RORA: variants seen among roughly 807,000 people sequenced by gnomAD.
RORA encodes the protein nuclear receptor ROR-alpha.
Under a neutral mutation model 69.5 loss-of-function variants are expected in RORA, and 7 were observed. The ratio of observed to expected loss-of-function variants is 0.10; its 90% CI spans 0.06 to 0.19. The LOEUF (loss-of-function observed/expected upper bound fraction) is 0.19, where lower values mean the gene tolerates loss of function less well. Ranked by LOEUF, RORA falls within the 10% of genes least tolerant of loss-of-function variation. RORA has a pLI of 1.00. For synonymous variants in RORA, 261 were observed against 240.8 expected (o/e 1.08, Z -0.78); for missense variants, 457 against 663.0 (o/e 0.69, Z 3.41).
Position 60,657,024 on chromosome 15 carries a change from G to A in RORA, c.196+21633C>T, listed in dbSNP as rs74017253. Among the ~76,000 whole-genome samples, 766 of 152,268 alleles carry A rather than the reference G, an allele frequency of 5.0e-3. 6 individuals are homozygous for A. The highest frequency in any genetic ancestry group is 0.018 in the African/African-American group (743 of 41,546). ...GAAGAGTGGGATTTGTGAGAAATATGGGTCATGTGTCTGCAGCACTAGTTG... is the reference window on the plus strand; with the variant it reads ...GAAGAGTGGGATTTGTGAGAAATATAGGTCATGTGTCTGCAGCACTAGTTG... On this transcript the variant is annotated intron_variant, in intron 2 of 10. Coordinates refer to ENST00000335670, the MANE Select transcript of RORA (RefSeq NM_134261.3).
chr15:60,657,314 T>C (rs1191407110), intron 2 of RORA, among the ~76,000 whole-genome samples: 2 of 152,124 alleles, frequency 1.3e-5, no homozygotes, highest in Non-Finnish European at 2.9e-5. Context: ...AACTGTAGCT[T>C]TGCTTATGCC....
intron 2 of RORA, among the ~76,000 whole-genome samples, chr15:60,649,464 C>T: frequency 6.6e-6 from 1 of 152,176 alleles, no homozygotes; most frequent in Non-Finnish European, 1.5e-5. Context: ...TATCTGAAAA[C>T]TCTGCCATGC....
intron 1 of RORA, among the ~76,000 whole-genome samples, chr15:61,188,386 C>T (rs1158696259): frequency 6.6e-6 from 1 of 152,166 alleles, no homozygotes; most frequent in Non-Finnish European, 1.5e-5. Context: ...GGGTTTGACC[C>T]ACCAACGGGG....
At chr15:61,133,196 T>C (rs1362386213) in intron 1 of RORA, among the ~76,000 whole-genome samples, 1 of 152,078 alleles carries the variant, frequency 6.6e-6, no homozygotes, top group Non-Finnish European at 1.5e-5. Flanking sequence ...AAATTATGCA[T>C]ATAAAGTAAT....
At chr15:60,599,913 T>C (rs1423156133) in intron 2 of RORA, among the ~76,000 whole-genome samples, 3 of 152,152 alleles carry the variant, frequency 2.0e-5, no homozygotes, top group Admixed American at 6.5e-5. Context: ...ATAAAACACA[T>C]AGAGCAAAAG....
At chr15:60,992,412 G>A (rs1309576332) in intron 1 of RORA, among the ~76,000 whole-genome samples, 2 of 152,074 alleles carry the variant, frequency 1.3e-5, no homozygotes, top group African/African-American at 2.4e-5. Context: ...GGGCCTACAC[G>A]ACCCATACAT....
intron 1 of RORA, among the ~76,000 whole-genome samples, chr15:61,086,715 T>C (rs959139359): frequency 6.6e-6 from 1 of 151,984 alleles, no homozygotes. Flanking sequence ...AATTTCCCAA[T>C]AGCTTTTAAA....
chr15:61,113,238 C>T (rs1033294065), intron 1 of RORA, among the ~76,000 whole-genome samples: 2 of 152,192 alleles, frequency 1.3e-5, no homozygotes, highest in African/African-American at 2.4e-5. Flanking sequence ...AGAAATGCTG[C>T]ATTTGCTTTT....
chr15:60,590,176 T>TCTCC lies in RORA; in HGVS notation c.197-58326_197-58325insGGAG, dbSNP rs1491091065. Among the ~76,000 whole-genome samples, 7 of 30,206 alleles carry TCTCC rather than the reference T, an allele frequency of 2.3e-4. No individual in the cohort carries two copies. The African/African-American group carries it at 2.3e-3, about 10-fold the overall frequency. 19.8% of individuals were successfully genotyped at this position (30,206 alleles called of 152,430 possible). On this transcript the variant is annotated intron_variant, in intron 2 of 10. Transcript: ENST00000335670. ...TGCATTCTCTCTCCCTCTTCCTCTA[T>TCTCC]CTCTCTCTCTCTCTCTCTCTCTCTT...
intron 1 of RORA, among the ~76,000 whole-genome samples, chr15:61,068,272 G>T (rs896321023): frequency 6.6e-6 from 1 of 152,194 alleles, no homozygotes; most frequent in Non-Finnish European, 1.5e-5. Flanking sequence ...TACACAAAAC[G>T]TATAGAGAAG....
At chr15:61,079,500 A>T (rs1408955868) in intron 1 of RORA, among the ~76,000 whole-genome samples, 1 of 152,184 alleles carries the variant, frequency 6.6e-6, no homozygotes, top group African/African-American at 2.4e-5. Flanking sequence ...TCGTGCAAGG[A>T]TTTCAAGGGT....
At chr15:60,748,788 T>C (rs1186154398) in intron 1 of RORA, among the ~76,000 whole-genome samples, 1 of 152,284 alleles carries the variant, frequency 6.6e-6, no homozygotes, top group East Asian at 1.9e-4. Context: ...AGTTGGGGTA[T>C]GTTTCAGCAA....
At chr15:60,557,311 C>T (rs527482301) in intron 2 of RORA, among the ~76,000 whole-genome samples, 22 of 152,226 alleles carry the variant, frequency 1.4e-4, no homozygotes, top group African/African-American at 4.6e-4. Flanking sequence ...TTATGGTTAT[C>T]GGAGAACTAG....
intron 1 of RORA, among the ~76,000 whole-genome samples, chr15:60,951,805 A>C (rs1400232903): frequency 6.6e-6 from 1 of 152,218 alleles, no homozygotes; most frequent in African/African-American, 2.4e-5. Context: ...TCAATAATTT[A>C]CCAACCAAAA....
At chr15:61,087,934 A>G (rs1430788911) in intron 1 of RORA, among the ~76,000 whole-genome samples, 1 of 152,240 alleles carries the variant, frequency 6.6e-6, no homozygotes, top group Non-Finnish European at 1.5e-5. Flanking sequence ...TTCTGTTAGC[A>G]AGTCATTTCT....
At chr15:60,596,223 C>T (rs1236683522) in intron 2 of RORA, among the ~76,000 whole-genome samples, 1 of 152,134 alleles carries the variant, frequency 6.6e-6, no homozygotes, top group African/African-American at 2.4e-5. Context: ...CTGCAAGTGG[C>T]TCCTAGGACA....
chr15:61,144,727 T>C (rs956819961), intron 1 of RORA, among the ~76,000 whole-genome samples: 2 of 152,164 alleles, frequency 1.3e-5, no homozygotes, highest in Non-Finnish European at 2.9e-5. Context: ...GGAGGAAAAT[T>C]TGGCAGATCT....
In RORA at chr15:60,496,585, C is replaced by CTAA. The variant is rs897986706; in HGVS notation, c.*867_*869dup. The stretch of plus-strand genomic sequence containing the variant: ...GTATAATTTAGGGAGAGTTCCGTTT[C>CTAA]TAATTCCAAATTCACATGTTAAAAA... On this transcript the variant is annotated 3_prime_UTR_variant, in exon 11 of 11. Transcript: ENST00000335670. The surrounding 1 kb of genome is among the most constrained non-coding windows in gnomAD (Gnocchi z 4.5). The CTAA allele has an allele frequency of 1.3e-5, 2 of 152,206 alleles. No homozygotes were observed. The highest frequency in any genetic ancestry group is 6.5e-5 in the Admixed American group (1 of 15,296). 9.4% of individuals were successfully genotyped at this position (152,206 alleles called of 1,614,324 possible).
At chr15:60,504,873 C>A (rs924327341) in intron 6 of RORA, among the ~76,000 whole-genome samples, 1 of 152,146 alleles carries the variant, frequency 6.6e-6, no homozygotes, top group Non-Finnish European at 1.5e-5. Context: ...GGAAGAAACA[C>A]TGAATTAGGA....
Sources: gnomAD v4.1 joint callset for allele counts (sites outside exome capture counted in the v4.1 genomes callset) on GRCh38, gnomAD v4.1.1 for gene constraint, Gnocchi (gnomAD v3.1) non-coding constraint, MANE v1.5 for transcripts, NCBI Gene and HGNC (gene_info 2026-07-23, HGNC 2026-07-21) for gene names.